The following VAPA variants were observed in gnomAD, a reference collection of about 807,000 sequenced individuals.
The protein encoded by VAPA is VAMP associated protein A.
A neutral mutation model predicts 25.6 loss-of-function variants in VAPA; 6 were observed. That is an observed-to-expected ratio of 0.23 (90% CI 0.13 to 0.46). The LOEUF is 0.46. VAPA is among the 20% of genes least tolerant of loss of function. The pLI, the probability that VAPA is intolerant of heterozygous loss-of-function variation, is 0.99. For synonymous variants in VAPA, 112 were observed against 106.2 expected (o/e 1.05, Z -0.34); for missense variants, 244 against 302.1 (o/e 0.81, Z 1.43).
chr18:9,936,064 C>G (rs776453597), intron 2 of VAPA, 46 bp from the exon 3 acceptor site: 2 of 1,329,016 alleles, frequency 1.5e-6, no homozygotes, highest in East Asian at 2.5e-5. Flanking sequence ...GTATGTCTTT[C>G]AGACATGCAG....
intron 1 of VAPA, among the ~76,000 whole-genome samples, chr18:9,917,683 C>T (rs575878191): frequency 6.6e-6 from 1 of 152,176 alleles, no homozygotes; most frequent in South Asian, 2.1e-4. Flanking sequence ...GAAAATAAAC[C>T]AAAATCCTTA....
chr18:9,921,522 G>A (rs1449376356), intron 1 of VAPA, among the ~76,000 whole-genome samples: 3 of 152,120 alleles, frequency 2.0e-5, no homozygotes, highest in African/African-American at 7.2e-5. Context: ...TATATTTGAG[G>A]TATACATATA....
intron 1 of VAPA, 127 bp downstream of exon 1, chr18:9,914,462 C>G (rs1359667931): frequency 1.3e-6 from 1 of 769,646 alleles, no homozygotes; most frequent in Non-Finnish European, 1.9e-6. Context: ...CGCCCCGGCG[C>G]CTTCCCTTTC....
chr18:9,915,198 T>C (rs1310877205), intron 1 of VAPA: 1 of 152,318 alleles, frequency 6.6e-6, no homozygotes. Context: ...GTTGAGCTCC[T>C]CTGCTGAGAA....
At chr18:9,931,729 T>G in intron 1 of VAPA, 81 bp from the exon 2 acceptor site, 1 of 1,215,074 alleles carries the variant, frequency 8.2e-7, no homozygotes, top group East Asian at 2.5e-5. Flanking sequence ...AAAATTGAGG[T>G]TATATATTTT....
chr18:9,924,448 T>C (rs1433082982), intron 1 of VAPA, among the ~76,000 whole-genome samples: 3 of 152,190 alleles, frequency 2.0e-5, no homozygotes, highest in African/African-American at 4.8e-5. Flanking sequence ...GACATAAAAT[T>C]GGTATGAAAT....
At chr18:9,936,940 A>G (rs1197709404) in intron 3 of VAPA, 46 bp from the exon 4 acceptor site, 7 of 1,568,718 alleles carry the variant, frequency 4.5e-6, no homozygotes, top group South Asian at 3.4e-5. Flanking sequence ...CTTACTTACC[A>G]TGATCATACC....
chr18:9,950,712 T>C (rs2069481167), intron 5 of VAPA, 144 bp downstream of exon 5: 10 of 729,194 alleles, frequency 1.4e-5, no homozygotes, highest in Non-Finnish European at 2.0e-5. Flanking sequence ...CTCCCCACCC[T>C]ACTCCTCTTT....
intron 1 of VAPA, among the ~76,000 whole-genome samples, chr18:9,930,291 A>G (rs181092546): frequency 6.6e-5 from 10 of 152,280 alleles, no homozygotes; most frequent in Non-Finnish European, 1.2e-4. Context: ...TGTTACTAAG[A>G]AATTGGATCT....
chr18:9,944,778 T>C, intron 4 of VAPA: 1 of 986,024 alleles, frequency 1.0e-6, no homozygotes, highest in Non-Finnish European at 1.4e-6. Context: ...TAGCTATTAT[T>C]AGTATTGTTT....
intron 4 of VAPA, chr18:9,944,921 CAG>C: frequency 6.2e-7 from 1 of 1,613,558 alleles, no homozygotes; most frequent in Non-Finnish European, 8.5e-7. Context: ...CATGCCATCT[CAG>C]GGTATAACTC....
rs2069533671 is a variant in VAPA, at chr18:9,955,115, G to A, written c.*904G>A. ...TGTACAGCATGGCTGTGCTCCATCT[G>A]ATTTACCCCATTCTTAAGTTCTGAG... On this transcript the variant is annotated 3_prime_UTR_variant, in exon 6 of 6. Transcript: ENST00000400000. 6.6e-6 allele frequency: 1 copy of A among 152,156 alleles called. No homozygotes were observed. The highest frequency in any genetic ancestry group is 2.1e-4 in the South Asian group (1 of 4,836). The allele number at this position is 152,156 out of a possible 1,614,324, so 9.4% of individuals were successfully genotyped here.
chr18:9,921,743 C>T (rs771956381), intron 1 of VAPA, among the ~76,000 whole-genome samples: 18 of 152,042 alleles, frequency 1.2e-4, no homozygotes, highest in African/African-American at 3.1e-4. Flanking sequence ...ATTAAATGTG[C>T]GAGAGGACTG....
In VAPA at chr18:9,958,938, A is replaced by G. The variant is rs2069578957; in HGVS notation, c.*4727A>G. The stretch of plus-strand genomic sequence containing the variant: ...GTGTACCTACCTACCTGAGAAATTT[A>G]TTTTGTCCATCATGTATTTCTCAAA... On this transcript the variant is annotated 3_prime_UTR_variant, in exon 6 of 6. Coordinates refer to ENST00000400000, the MANE Select transcript of VAPA (RefSeq NM_194434.3). 6.6e-6 allele frequency: 1 copy of G among 152,172 alleles called. No individual in the cohort carries two copies. Among genetic ancestry groups the G allele is most frequent in the African/African-American group, 2.4e-5 (1 of 41,442 alleles). The allele number at this position is 152,172 out of a possible 1,614,324, so 9.4% of individuals were successfully genotyped here.
chr18:9,936,356 A>C (rs1300907612), intron 3 of VAPA, 143 bp downstream of exon 3: 1 of 475,018 alleles, frequency 2.1e-6, no homozygotes, highest in Admixed American at 4.0e-5. Context: ...CATTATAGAT[A>C]ATCCTAACTT....
Position 9,958,272 on chromosome 18 carries a change from T to C in VAPA, c.*4061T>C, listed in dbSNP as rs1171287636. 2 of 152,246 alleles carry C rather than the reference T, an allele frequency of 1.3e-5. No individual in the cohort carries two copies. Among genetic ancestry groups the C allele is most frequent in the Non-Finnish European group, 2.9e-5 (2 of 68,042 alleles). The allele number at this position is 152,246 out of a possible 1,614,324, so 9.4% of individuals were successfully genotyped here. On this transcript the variant is annotated 3_prime_UTR_variant, in exon 6 of 6. Transcript: ENST00000400000. ...TTTGCTTTGTTTTTATAGTTAACTTTCTTAAGGTTATGGACATTTTATAAT... is the reference window on the plus strand; with the variant it reads ...TTTGCTTTGTTTTTATAGTTAACTTCCTTAAGGTTATGGACATTTTATAAT...
At chr18:9,948,438 T>G (rs926956418) in intron 4 of VAPA, 3 of 152,224 alleles carry the variant, frequency 2.0e-5, no homozygotes, top group African/African-American at 7.2e-5. Context: ...TTGACAAGAT[T>G]GTGAGAAATG....
At chr18:9,917,017 C>G (rs902826108) in intron 1 of VAPA, among the ~76,000 whole-genome samples, 14 of 152,078 alleles carry the variant, frequency 9.2e-5, no homozygotes, top group Non-Finnish European at 7.4e-5. Flanking sequence ...TTTCTGTATA[C>G]CTCAGTATTT....
chr18:9,950,254 A>C (rs1403955645), intron 4 of VAPA, 141 bp from the exon 5 acceptor site: 7 of 805,538 alleles, frequency 8.7e-6, no homozygotes, highest in African/African-American at 1.7e-5. Flanking sequence ...TATTTAGACT[A>C]ATCTGACTGC....
Sources: gnomAD v4.1 joint callset for allele counts (sites outside exome capture counted in the v4.1 genomes callset) on GRCh38, gnomAD v4.1.1 for gene constraint, MANE v1.5 for transcripts, NCBI Gene and HGNC (gene_info 2026-07-23, HGNC 2026-07-21) for gene names.